Variants in KIAA1958 observed in about 807,000 individuals in gnomAD.
KIAA1958 encodes the protein uncharacterized protein KIAA1958.
A neutral mutation model predicts 47.2 loss-of-function variants in KIAA1958; 14 were observed. That is an observed-to-expected ratio of 0.30 (90% CI 0.20 to 0.46). The LOEUF is 0.46. KIAA1958 is among the 20% of genes least tolerant of loss of function. KIAA1958 has a pLI of 1.00. For synonymous variants in KIAA1958, 354 were observed against 353.3 expected, an observed-to-expected ratio of 1.00 and a Z score of -0.02; for missense variants, 803 against 909.2, an observed-to-expected ratio of 0.88 and a Z score of 1.50.
chr9:112,516,133 CT>C, intron 1 of KIAA1958, among the ~76,000 whole-genome samples: 1 of 152,016 alleles, frequency 6.6e-6, no homozygotes. Flanking sequence ...AATTCTAGAA[CT>C]AATTAATCAA....
intron 2 of KIAA1958, among the ~76,000 whole-genome samples, chr9:112,631,945 CT>C (rs1836717573): frequency 6.6e-6 from 1 of 152,090 alleles, no homozygotes. Flanking sequence ...AAAGAACATC[CT>C]TGAGGATACA....
In KIAA1958 at chr9:112,618,140, T is replaced by C; in HGVS notation, c.1172-27510T>C. ...CGAAAGGTACCTGAAAGAACACAGG[T>C]ATGGCTATAGCATCACCAGGGATAA... On this transcript the variant is annotated intron_variant, in intron 2 of 3. Transcript: ENST00000337530. This position sits in a 1 kb window ranked among gnomAD's most constrained non-coding sequence, Gnocchi z 7.1. The C allele has an allele frequency of 6.4e-7, 1 of 1,550,502 alleles. No individual in the cohort carries two copies. Among genetic ancestry groups the C allele is most frequent in the Admixed American group, 2.0e-5 (1 of 50,984 alleles).
rs1837371810 is a variant in KIAA1958 at position 112,667,895 on chromosome 9, C to G, written c.*7826C>G. 6.6e-6 allele frequency: 1 copy of G among 152,152 alleles called. No individual in the cohort carries two copies. The highest frequency in any genetic ancestry group is 2.4e-5 in the African/African-American group (1 of 41,508). The allele number at this position is 152,152 out of a possible 1,614,324, so 9.4% of individuals were successfully genotyped here. The stretch of plus-strand genomic sequence containing the variant: ...CAGTGGGCTCTGGGCTATTAAATAC[C>G]AGGACATTATCCACTAGAGGAAGGG... On this transcript the variant is annotated 3_prime_UTR_variant, in exon 4 of 4. Transcript: ENST00000337530.
At chr9:112,628,117 C>G (rs1343083901) in intron 2 of KIAA1958, among the ~76,000 whole-genome samples, 1 of 152,134 alleles carries the variant, frequency 6.6e-6, no homozygotes, top group Admixed American at 6.5e-5. Flanking sequence ...AAGGCTGCTT[C>G]CTGAAGAGCC....
intron 1 of KIAA1958, among the ~76,000 whole-genome samples, chr9:112,541,304 A>G (rs1429536624): frequency 2.6e-5 from 4 of 152,144 alleles, no homozygotes; most frequent in African/African-American, 9.7e-5. Flanking sequence ...TTCATCTAAC[A>G]TTAAAATAGT....
intron 2 of KIAA1958, among the ~76,000 whole-genome samples, chr9:112,622,949 AAGTT>A (rs1836536109): frequency 6.6e-6 from 1 of 152,310 alleles, no homozygotes; most frequent in East Asian, 1.9e-4. Flanking sequence ...ATTGTAATAA[AAGTT>A]AGTTCATTTT....
intron 1 of KIAA1958, among the ~76,000 whole-genome samples, chr9:112,495,017 C>T (rs183289849): frequency 6.6e-6 from 1 of 151,606 alleles, no homozygotes; most frequent in Non-Finnish European, 1.5e-5. Flanking sequence ...ATTCAAGGCT[C>T]AAGGGATTCA....
At chr9:112,547,398 A>C (rs2132832871) in intron 1 of KIAA1958, among the ~76,000 whole-genome samples, 1 of 150,982 alleles carries the variant, frequency 6.6e-6, no homozygotes, top group South Asian at 2.1e-4. Context: ...AAAAAAAAAA[A>C]AAATTCTAAG....
intron 2 of KIAA1958, among the ~76,000 whole-genome samples, chr9:112,610,105 A>G (rs1836299017): frequency 6.6e-6 from 1 of 152,210 alleles, no homozygotes; most frequent in African/African-American, 2.4e-5. Context: ...ATGTTATAAC[A>G]CTAAATTTTT....
intron 2 of KIAA1958, among the ~76,000 whole-genome samples, chr9:112,622,747 A>C (rs376467972): frequency 1.3e-5 from 2 of 152,178 alleles, no homozygotes; most frequent in East Asian, 1.9e-4. Flanking sequence ...GATTATTATT[A>C]GCTGAAACTT....
chr9:112,599,447 C>T (rs540057490), intron 2 of KIAA1958, among the ~76,000 whole-genome samples: 1 of 152,248 alleles, frequency 6.6e-6, no homozygotes, highest in Non-Finnish European at 1.5e-5. Context: ...TGAAAGGACT[C>T]ATTTTTAGCT....
At chr9:112,625,490 G>C (rs1327707085) in intron 2 of KIAA1958, among the ~76,000 whole-genome samples, 3 of 152,078 alleles carry the variant, frequency 2.0e-5, no homozygotes, top group Non-Finnish European at 4.4e-5. Context: ...TAGCCCCAGA[G>C]AAAGGAGGTG....
intron 2 of KIAA1958, among the ~76,000 whole-genome samples, chr9:112,641,786 C>T (rs1836895689): frequency 6.6e-6 from 1 of 152,046 alleles, no homozygotes. Flanking sequence ...GTACTCAGCT[C>T]ATCTATTGTT....
intron 1 of KIAA1958, among the ~76,000 whole-genome samples, chr9:112,548,318 C>A (rs1835078597): frequency 6.6e-6 from 1 of 152,176 alleles, no homozygotes; most frequent in South Asian, 2.1e-4. Flanking sequence ...CCACCTATGA[C>A]CTGGAAGCAC....
intron 2 of KIAA1958, among the ~76,000 whole-genome samples, chr9:112,615,164 G>C (rs1037898245): frequency 7.9e-5 from 12 of 152,138 alleles, no homozygotes; most frequent in Admixed American, 7.9e-4. Flanking sequence ...GCTCATGCCT[G>C]TAATCCCAGC....
chr9:112,577,663 A>G (rs1050640657), intron 2 of KIAA1958, among the ~76,000 whole-genome samples: 4 of 152,066 alleles, frequency 2.6e-5, no homozygotes, highest in Non-Finnish European at 5.9e-5. Flanking sequence ...GCAAGATGCA[A>G]GACTTTTCTG....
Position 112,574,510 on chromosome 9 carries a change from C to T in KIAA1958, c.430C>T (p.Leu144=). The T allele has an allele frequency of 6.2e-7, 1 of 1,614,102 alleles. No individual in the cohort carries two copies. The highest frequency in any genetic ancestry group is 2.2e-5 in the East Asian group (1 of 44,882). ...TVEEYEDENT[L]FDMVCESSVT... is the part of the protein sequence containing the mutation. ...TGAAGAATATGAAGATGAGAACACC[C>T]TGTTTGACATGGTTTGTGAGTCTTC... Residue 144 remains leucine, a synonymous_variant, in exon 2 of 4, where the codon CTG becomes TTG. Transcript: ENST00000337530.
At chr9:112,537,811 A>G (rs1049073642) in intron 1 of KIAA1958, among the ~76,000 whole-genome samples, 3 of 152,224 alleles carry the variant, frequency 2.0e-5, no homozygotes, top group Admixed American at 6.5e-5. Context: ...CTGTTTTCAG[A>G]TAATATTTAG....
rs1834554097 is a variant in KIAA1958 at position 112,522,044 on chromosome 9, T to C, written c.-25+34926T>C. On this transcript the variant is annotated intron_variant, in intron 1 of 3. Transcript: ENST00000337530. ...TGGAGTGCAGTGGTGCAATCTTGGC[T>C]CACTGCAACCTCCGCCTCCCAGGTT... Among the ~76,000 whole-genome samples the C allele has an allele frequency of 2.0e-5, 3 of 152,158 alleles. No homozygotes were observed. In the South Asian group the frequency reaches 6.2e-4, roughly 32 times the overall value.
Sources: gnomAD v4.1 joint callset for allele counts (sites outside exome capture counted in the v4.1 genomes callset) on GRCh38, gnomAD v4.1.1 for gene constraint, Gnocchi (gnomAD v3.1) non-coding constraint, MANE v1.5 for transcripts, NCBI Gene and HGNC (gene_info 2026-07-23, HGNC 2026-07-21) for gene names.